Variants in UVSSA observed in about 807,000 individuals in gnomAD.
UVSSA encodes the protein UV stimulated scaffold protein A.
Under a neutral mutation model 73.9 loss-of-function variants are expected in UVSSA, and 72 were observed. The ratio of observed to expected loss-of-function variants is 0.97; its 90% CI spans 0.81 to 1.19. UVSSA has a LOEUF of 1.19. UVSSA is among the 50% of genes most tolerant of loss of function. The pLI is 0.00. For missense variants in UVSSA, 1,150 were observed against 965.0 expected (o/e 1.19, Z -2.54); for synonymous variants, 454 against 391.3 (o/e 1.16, Z -1.89).
chr4:1,373,386 G>A (rs763026109), intron 8 of UVSSA, among the ~76,000 whole-genome samples: 6 of 152,094 alleles, frequency 3.9e-5, no homozygotes, highest in East Asian at 1.9e-4. Flanking sequence ...CTTTATATTC[G>A]TTGGCAGCTG....
In UVSSA at chr4:1,380,942, C is replaced by G; in HGVS notation, c.1815C>G (p.Asp605Glu). The G allele has an allele frequency of 2.5e-6, 4 of 1,613,038 alleles. No homozygotes were observed. The highest frequency in any genetic ancestry group is 3.4e-6 in the Non-Finnish European group (4 of 1,179,966). Residue 605 changes from aspartate to glutamate, a missense_variant, in exon 12 of 14, where the codon GAC becomes GAG. Physicochemically the swap from Asp to Glu is conservative, Grantham distance 45. Transcript: ENST00000389851. Reference protein sequence around the residue: ...DDEGRPLDPEDRAREQRRQLQ... With the variant: ...DDEGRPLDPEERAREQRRQLQ... The stretch of plus-strand genomic sequence containing the variant: ...AAGGACGGCCGCTCGACCCGGAAGA[C>G]AGGGCTCGTGAGCAGCGGCGGCAGC...
chr4:1,382,940 C>T (rs1263920488), intron 12 of UVSSA, among the ~76,000 whole-genome samples: 1 of 152,222 alleles, frequency 6.6e-6, no homozygotes, highest in Non-Finnish European at 1.5e-5. Context: ...ATGGCCATCA[C>T]AGTCCCGTCA....
chr4:1,377,984 C>T (rs1718979419), intron 10 of UVSSA, among the ~76,000 whole-genome samples: 2 of 152,220 alleles, frequency 1.3e-5, no homozygotes. Flanking sequence ...GCCCCACAGC[C>T]AGTTGAGGGC....
At chr4:1,379,981 A>G (rs1166157831) in intron 10 of UVSSA, 66 bp from the exon 11 acceptor site, 3 of 1,515,142 alleles carry the variant, frequency 2.0e-6, no homozygotes, top group African/African-American at 2.8e-5. Flanking sequence ...CTGTGCCTGC[A>G]CCACCGTGGC....
exon 14 of UVSSA, chr4:1,394,426 C>A: frequency 6.3e-7 from 1 of 1,588,544 alleles, no homozygotes. Flanking sequence ...AATCATTGAT[C>A]TACTTCTAGT....
chr4:1,351,985 G>T lies in UVSSA; in HGVS notation c.550+150G>T, dbSNP rs111554550. Reference sequence around the variant, plus strand: ...GAGGATTCAGGTCGGGCCGGAAGGCGTTCTTAGCCGTAGGCCTCCCAGGCT... The same window carrying T: ...GAGGATTCAGGTCGGGCCGGAAGGCTTTCTTAGCCGTAGGCCTCCCAGGCT... On this transcript the variant is annotated intron_variant, in intron 4 of 13. Coordinates refer to ENST00000389851, the MANE Select transcript of UVSSA (RefSeq NM_020894.4). 428 of 1,289,976 alleles carry T rather than the reference G, an allele frequency of 3.3e-4. 3 individuals are homozygous for T. The Middle Eastern group carries it at 4.0e-3, about 12-fold the overall frequency. The allele number at this position is 1,289,976 out of a possible 1,614,324, so 79.9% of individuals were successfully genotyped here.
chr4:1,355,216 A>G lies in UVSSA; in HGVS notation c.1147A>G (p.Ile383Val), dbSNP rs1715526324. Residue 383 changes from isoleucine (I) to valine (V), a missense_variant, in exon 7 of 14, where the codon ATC becomes GTC. Transcript: ENST00000389851. ...ACTGAGAAAATACAAGGAGCTGGAC[A>G]TCGAGCCTGAGGGAGGGGAAAGGCG... ...LVLRKYKELDIEPEGGERRRT... is the reference protein window; with the variant it reads ...LVLRKYKELDVEPEGGERRRT... 1 of 1,611,970 alleles carries G rather than the reference A, an allele frequency of 6.2e-7. No individual in the cohort carries two copies.
chr4:1,347,622 G>T lies in UVSSA; in HGVS notation c.-141G>T, dbSNP rs116170374. ...CTCATCCCACCAGGCACGCCGCGGTGCTCGGCCCTGGGTATCCGGGCAGGC... is the reference window on the plus strand; with the variant it reads ...CTCATCCCACCAGGCACGCCGCGGTTCTCGGCCCTGGGTATCCGGGCAGGC... On this transcript the variant is annotated 5_prime_UTR_variant, in exon 1 of 14. Transcript: ENST00000389851. 0.012 allele frequency: 1,826 copies of T among 154,118 alleles called. 21 individuals are homozygous for T. The highest frequency in any genetic ancestry group is 0.017 in the Non-Finnish European group (1,173 of 69,028). 9.5% of individuals were successfully genotyped at this position (154,118 alleles called of 1,614,324 possible).
chr4:1,350,236 G>A (rs1394242834), intron 3 of UVSSA, among the ~76,000 whole-genome samples: 1 of 152,162 alleles, frequency 6.6e-6, no homozygotes, highest in Admixed American at 6.5e-5. Flanking sequence ...GCACTTTAAG[G>A]CTCCACCCGC....
At chr4:1,366,033 G>A in intron 7 of UVSSA, 2 of 243,042 alleles carry the variant, frequency 8.2e-6, no homozygotes, top group Non-Finnish European at 1.6e-5. Flanking sequence ...CAGGAGGGCA[G>A]CACCTCCCAC....
intron 8 of UVSSA, among the ~76,000 whole-genome samples, chr4:1,370,394 G>T (rs1050010360): frequency 6.6e-6 from 1 of 152,258 alleles, no homozygotes; most frequent in Non-Finnish European, 1.5e-5. Flanking sequence ...CTGAGCAGGG[G>T]CTGCCCGGTG....
intron 8 of UVSSA, among the ~76,000 whole-genome samples, chr4:1,370,512 G>A (rs914350820): frequency 1.9e-4 from 29 of 152,258 alleles, no homozygotes; most frequent in Admixed American, 9.8e-4. Flanking sequence ...GGAAACGGGA[G>A]CAGCCTGGCA....
At chr4:1,377,179 G>A (rs1048086979) in intron 10 of UVSSA, among the ~76,000 whole-genome samples, 1 of 152,168 alleles carries the variant, frequency 6.6e-6, no homozygotes, top group Non-Finnish European at 1.5e-5. Context: ...CAGCTTCAGG[G>A]CCTGAGGAGC....
downstream of UVSSA, chr4:1,390,826 A>T (rs557605360): frequency 2.0e-5 from 3 of 152,498 alleles, no homozygotes; most frequent in African/African-American, 7.3e-5. Context: ...TGTTGTATAG[A>T]TGCCTGTTGG....
exon 14 of UVSSA, chr4:1,395,368 T>A: frequency 7.1e-7 from 1 of 1,406,344 alleles, no homozygotes. Flanking sequence ...CATGTGCCGA[T>A]GTGGAGTGCC....
At chr4:1,343,584 C>T (rs777013284), upstream of UVSSA, among the ~76,000 whole-genome samples, 4 of 152,170 alleles carry the variant, frequency 2.6e-5, no homozygotes, top group South Asian at 2.1e-4. Flanking sequence ...GTCAGGAATT[C>T]GAGACCAGCC....
rs1045091134 is a variant in UVSSA at position 1,386,125 on chromosome 4, T to C, written c.*164T>C. 1.2e-5 allele frequency: 9 copies of C among 749,826 alleles called. No homozygotes were observed. The Admixed American group carries it at 2.0e-4, about 17-fold the overall frequency. 46.4% of individuals were successfully genotyped at this position (749,826 alleles called of 1,614,324 possible). On this transcript the variant is annotated 3_prime_UTR_variant, in exon 14 of 14. Transcript: ENST00000389851. ...TGCCCTGAAGGTACGGCCGCTCTGC[T>C]GCTACAGGGTTCGGCATCGTCTGGT...
rs1278826384 is a variant in UVSSA, at chr4:1,387,731, A to T, written c.*1770A>T. The stretch of plus-strand genomic sequence containing the variant: ...CCCATTGAATTATCTTCGCACCATT[A>T]TTGATAATCAGTTGACCAAAAATGT... On this transcript the variant is annotated 3_prime_UTR_variant, in exon 14 of 14. Coordinates refer to ENST00000389851, the MANE Select transcript of UVSSA (RefSeq NM_020894.4). 1 of 152,172 alleles carries T rather than the reference A, an allele frequency of 6.6e-6. No homozygotes were observed. The highest frequency in any genetic ancestry group is 1.5e-5 in the Non-Finnish European group (1 of 68,032). 9.4% of individuals were successfully genotyped at this position (152,172 alleles called of 1,614,324 possible).
chr4:1,380,529 C>A, intron 11 of UVSSA: 1 of 1,008,902 alleles, frequency 9.9e-7, no homozygotes, highest in Non-Finnish European at 1.4e-6. Flanking sequence ...CTGTGCTGGG[C>A]CTGGGATCCT....
Sources: allele counts gnomAD v4.1 joint callset (sites outside exome capture counted in the v4.1 genomes callset), GRCh38; gene constraint gnomAD v4.1.1; transcripts MANE v1.5; gene names NCBI Gene and HGNC (gene_info 2026-07-23, HGNC 2026-07-21).